CNTLN: variants seen among roughly 807,000 people sequenced by gnomAD.
CNTLN encodes the protein centlein, centrosomal protein.
A neutral mutation model predicts 180.0 loss-of-function variants in CNTLN; 212 were observed. The ratio of observed to expected loss-of-function variants is 1.18; its 90% CI spans 1.05 to 1.32. CNTLN has a LOEUF of 1.32. CNTLN is among the 40% of genes most tolerant of loss of function. The pLI is 0.00. For missense variants in CNTLN, 2,095 were observed against 1,610.9 expected, an observed-to-expected ratio of 1.30 and a Z score of -5.14; for synonymous variants, 722 against 563.1, an observed-to-expected ratio of 1.28 and a Z score of -3.99.
chr9:17,455,083 A>AT (rs1437450814), intron 18 of CNTLN, among the ~76,000 whole-genome samples: 14 of 152,104 alleles, frequency 9.2e-5, no homozygotes, highest in Admixed American at 8.5e-4. Context: ...TTATTTATAC[A>AT]TTTTTTTCTC....
intron 2 of CNTLN, among the ~76,000 whole-genome samples, chr9:17,170,853 T>G (rs1032594077): frequency 1.3e-5 from 2 of 152,176 alleles, no homozygotes; most frequent in African/African-American, 2.4e-5. Flanking sequence ...TACCGTATTT[T>G]TACTGTACTT....
At chr9:17,510,826 A>C in the CNTLN span, among the ~76,000 whole-genome samples, 1 of 152,230 alleles carries the variant, frequency 6.6e-6, no homozygotes, top group Non-Finnish European at 1.5e-5. Flanking sequence ...ATATAAAGCT[A>C]TCATGAATAT....
chr9:17,447,456 T>G (rs1056442942), intron 18 of CNTLN: 7 of 160,786 alleles, frequency 4.4e-5, no homozygotes, highest in Non-Finnish European at 6.9e-5. Context: ...CCCAGCGTGC[T>G]TCTCCACCTA....
chr9:17,363,009 G>A (rs535608043), intron 12 of CNTLN, among the ~76,000 whole-genome samples: 5 of 152,060 alleles, frequency 3.3e-5, no homozygotes, highest in African/African-American at 1.2e-4. Flanking sequence ...TGTTTTGTTA[G>A]TTTGCTGAGA....
chr9:17,423,871 T>C (rs1828902291), intron 18 of CNTLN, among the ~76,000 whole-genome samples: 1 of 152,124 alleles, frequency 6.6e-6, no homozygotes, highest in African/African-American at 2.4e-5. Context: ...AGTGTAGCAC[T>C]GCTGGGGAAT....
intron 14 of CNTLN, among the ~76,000 whole-genome samples, chr9:17,394,302 C>G (rs1826325375): frequency 6.6e-6 from 1 of 152,080 alleles, no homozygotes; most frequent in Admixed American, 6.6e-5. Context: ...TTAGTTCTGT[C>G]ACTGTGTAGA....
At chr9:17,247,943 A>C (rs902854024) in intron 5 of CNTLN, among the ~76,000 whole-genome samples, 3 of 150,154 alleles carry the variant, frequency 2.0e-5, no homozygotes, top group African/African-American at 7.3e-5. Context: ...CAATCCTCCA[A>C]CCTCAACCTT....
chr9:17,517,233 AC>A, the CNTLN span, among the ~76,000 whole-genome samples: 2 of 151,970 alleles, frequency 1.3e-5, no homozygotes, highest in Admixed American at 1.3e-4. Context: ...TACTAAAAAT[AC>A]AAAAAAAAAT....
At chr9:17,190,000 T>C (rs1218965490) in intron 2 of CNTLN, among the ~76,000 whole-genome samples, 3 of 151,570 alleles carry the variant, frequency 2.0e-5, no homozygotes, top group Non-Finnish European at 2.9e-5. Context: ...CTTCCGGAAC[T>C]CTCTCTCTCA....
intron 23 of CNTLN, among the ~76,000 whole-genome samples, chr9:17,481,709 C>T (rs995911992): frequency 3.3e-5 from 5 of 152,230 alleles, no homozygotes; most frequent in Non-Finnish European, 1.5e-5. Flanking sequence ...CAAAGCCTAA[C>T]ACATGGCAGC....
At chr9:17,503,954 G>A (rs567109668), downstream of CNTLN, 3 of 152,548 alleles carry the variant, frequency 2.0e-5, no homozygotes, top group Admixed American at 2.0e-4. Flanking sequence ...TACTGTTTAT[G>A]GCTGCTTTCA....
intron 25 of CNTLN, among the ~76,000 whole-genome samples, chr9:17,499,967 A>T: frequency 6.6e-6 from 1 of 152,308 alleles, no homozygotes; most frequent in African/African-American, 2.4e-5. Flanking sequence ...AAAAATTTTA[A>T]ATCTCACACT....
intron 25 of CNTLN, among the ~76,000 whole-genome samples, chr9:17,489,962 C>G (rs1257352438): frequency 6.6e-6 from 1 of 152,144 alleles, no homozygotes; most frequent in African/African-American, 2.4e-5. Flanking sequence ...ATAAATCTCT[C>G]TTTTCACATT....
intron 8 of CNTLN, among the ~76,000 whole-genome samples, chr9:17,316,616 A>T (rs138294930): frequency 1.2e-3 from 183 of 152,232 alleles, no homozygotes; most frequent in Non-Finnish European, 1.8e-3. Flanking sequence ...GAAAAATCAT[A>T]AGGTAAACCA....
At chr9:17,143,152 C>T (rs1818220934) in intron 1 of CNTLN, 136 bp from the exon 2 acceptor site, 3 of 591,576 alleles carry the variant, frequency 5.1e-6, no homozygotes, top group South Asian at 2.1e-5. Context: ...TACCCCATTC[C>T]TTTAAAGAGA....
At chr9:17,260,286 T>C (rs1047240375) in intron 5 of CNTLN, among the ~76,000 whole-genome samples, 3 of 150,546 alleles carry the variant, frequency 2.0e-5, no homozygotes, top group Non-Finnish European at 4.4e-5. Flanking sequence ...TTGAGCGGTT[T>C]TGAGTGAGTT....
At chr9:17,521,265 A>AGAGAGAGAGAGAGAGAGAGAG in the CNTLN span, among the ~76,000 whole-genome samples, 12 of 118,606 alleles carry the variant, frequency 1.0e-4, no homozygotes, top group African/African-American at 3.4e-4. Context: ...AAGGGAGAAA[A>AGAGAGAGAGAGAGAGAGAGAG]AGAGAGAGAG....
At chr9:17,171,858 C>T (rs535828499) in intron 2 of CNTLN, among the ~76,000 whole-genome samples, 18 of 152,240 alleles carry the variant, frequency 1.2e-4, no homozygotes, top group Middle Eastern at 3.4e-3. Context: ...CATTGTTACT[C>T]TCCCTGTGGT....
At chr9:17,217,386 T>G (rs934100313) in intron 2 of CNTLN, among the ~76,000 whole-genome samples, 3 of 152,252 alleles carry the variant, frequency 2.0e-5, no homozygotes, top group Non-Finnish European at 4.4e-5. Context: ...TGTGTGCATA[T>G]CTGCATATCG....
Sources: allele counts gnomAD v4.1 joint callset (sites outside exome capture counted in the v4.1 genomes callset), GRCh38; gene constraint gnomAD v4.1.1; transcripts MANE v1.5; gene names NCBI Gene and HGNC (gene_info 2026-07-23, HGNC 2026-07-21).